UNC5A: variants seen among roughly 807,000 people sequenced by gnomAD.
UNC5A encodes the protein netrin receptor UNC5A.
UNC5A carries 20 observed loss-of-function variants against 87.4 expected under a neutral mutation model. That is an observed-to-expected ratio of 0.23 (90% CI 0.16 to 0.33). The LOEUF is 0.33. UNC5A is among the 10% of genes least tolerant of loss of function. The pLI is 1.00. For missense variants in UNC5A, 844 were observed against 1,133.4 expected (o/e 0.74, Z 3.67); for synonymous variants, 438 against 482.3 (o/e 0.91, Z 1.20).
Position 176,870,590 on chromosome 5 carries a change from GC to G in UNC5A, c.886+59del, listed in dbSNP as rs748329343. 4,180 of 1,516,666 alleles carry G rather than the reference GC, an allele frequency of 2.8e-3. 6 individuals carry two copies. Among genetic ancestry groups the G allele is most frequent in the Non-Finnish European group, 3.6e-3 (4,018 of 1,129,492 alleles). 94.0% of individuals were successfully genotyped at this position (1,516,666 alleles called of 1,614,324 possible). On this transcript the variant is annotated intron_variant, in intron 6 of 14. Transcript: ENST00000329542. ...TGTTTGCCTGGATTGGCCTTGCCCA[GC>G]CCTGGGGAGGTGGGGGCTGAGGGAG... is the stretch of plus-strand genomic sequence containing the variant.
chr5:176,834,070 G>A (rs905531578), intron 1 of UNC5A, among the ~76,000 whole-genome samples: 5 of 152,162 alleles, frequency 3.3e-5, no homozygotes, highest in South Asian at 2.1e-4. Flanking sequence ...GTGGAGTGCC[G>A]CATCTGTGCT....
At chr5:176,859,051 C>T (rs1350297884) in intron 1 of UNC5A, among the ~76,000 whole-genome samples, 1 of 152,226 alleles carries the variant, frequency 6.6e-6, no homozygotes, top group Non-Finnish European at 1.5e-5. Context: ...CGTCCAGTAG[C>T]ACCTTAATTT....
At position 176,838,941 on chromosome 5, in the gene UNC5A, A is replaced by G. The variant is rs1007486625; in HGVS notation, c.71-23683A>G. On this transcript the variant is annotated intron_variant, in intron 1 of 14. Transcript: ENST00000329542. This position sits in a 1 kb window ranked among gnomAD's most constrained non-coding sequence, Gnocchi z 4.2. ...TTCCACTCAAACCACATAGCTTACT[A>G]TGGAACAAGAGTGGATCTCCAAAGA... Among the ~76,000 whole-genome samples the G allele has an allele frequency of 1.3e-5, 2 of 152,246 alleles. No homozygotes were observed. The highest frequency in any genetic ancestry group is 3.9e-4 in the East Asian group (2 of 5,194).
At position 176,877,673 on chromosome 5, in the gene UNC5A, C is replaced by CA; in HGVS notation, c.1610dup (p.Gln538AlafsTer80). 1 of 1,608,928 alleles carries CA rather than the reference C, an allele frequency of 6.2e-7. No homozygotes were observed. Among genetic ancestry groups the CA allele is most frequent in the Non-Finnish European group, 8.5e-7 (1 of 1,177,172 alleles). On this transcript the variant is annotated frameshift_variant, in exon 10 of 15. Coordinates refer to ENST00000329542, the MANE Select transcript of UNC5A (RefSeq NM_133369.3). LOFTEE classifies it high-confidence loss of function. ...GCCCTGACAGCTGGAGCCTGCGCCT[C>CA]AAAAAGCAGTCGTGCGAGGGCAGCT...
At chr5:176,855,464 C>G (rs920737587) in intron 1 of UNC5A, among the ~76,000 whole-genome samples, 1 of 152,242 alleles carries the variant, frequency 6.6e-6, no homozygotes, top group Non-Finnish European at 1.5e-5. Context: ...GGGTCAGCCC[C>G]TGGACCACGT....
At chr5:176,842,968 C>A (rs933672561) in intron 1 of UNC5A, among the ~76,000 whole-genome samples, 1 of 151,924 alleles carries the variant, frequency 6.6e-6, no homozygotes, top group Non-Finnish European at 1.5e-5. Context: ...TTGAGACAAG[C>A]CTGGCCAACA....
At chr5:176,813,355 C>T (rs1756515740) in intron 1 of UNC5A, among the ~76,000 whole-genome samples, 3 of 152,212 alleles carry the variant, frequency 2.0e-5, no homozygotes, top group Non-Finnish European at 4.4e-5. Context: ...AACCATCTAG[C>T]CTGGCTCCTC....
intron 2 of UNC5A, 129 bp from the exon 3 acceptor site, chr5:176,868,000 AT>A (rs944577786): frequency 9.4e-5 from 67 of 715,116 alleles, no homozygotes; most frequent in African/African-American, 6.0e-4. Flanking sequence ...TAATAATAAA[AT>A]TTAAAAAAAA....
intron 1 of UNC5A, among the ~76,000 whole-genome samples, chr5:176,837,486 C>T (rs966819753): frequency 1.3e-5 from 2 of 152,130 alleles, no homozygotes; most frequent in African/African-American, 4.8e-5. Context: ...CCTTCAGGGA[C>T]CCACACCCTG....
intron 1 of UNC5A, among the ~76,000 whole-genome samples, chr5:176,831,598 C>T (rs925485502): frequency 2.6e-5 from 4 of 152,232 alleles, no homozygotes; most frequent in Non-Finnish European, 4.4e-5. Flanking sequence ...CGCCACCACT[C>T]GGCTCTGCTG....
intron 1 of UNC5A, among the ~76,000 whole-genome samples, chr5:176,836,264 GTTC>G (rs1187630366): frequency 6.6e-6 from 1 of 152,182 alleles, no homozygotes; most frequent in Non-Finnish European, 1.5e-5. Flanking sequence ...AGCCATAGAT[GTTC>G]TTCTCCCAAC....
chr5:176,852,374 G>GCA (rs150098498), intron 1 of UNC5A, among the ~76,000 whole-genome samples: 6,094 of 150,578 alleles, frequency 0.04, 383 homozygotes, highest in African/African-American at 0.14. Context: ...ACACACAGAA[G>GCA]CACACACACA....
intron 1 of UNC5A, among the ~76,000 whole-genome samples, chr5:176,822,168 A>G (rs1161040064): frequency 2.0e-5 from 3 of 152,278 alleles, no homozygotes; most frequent in African/African-American, 7.2e-5. Flanking sequence ...TGTGTGGTGC[A>G]TGCAGCCTGA....
chr5:176,831,303 C>A (rs1463947046), intron 1 of UNC5A, among the ~76,000 whole-genome samples: 1 of 152,190 alleles, frequency 6.6e-6, no homozygotes, highest in African/African-American at 2.4e-5. Flanking sequence ...GGGGCTGCAG[C>A]TGGTAACTCC....
chr5:176,826,164 G>A (rs1756847951), intron 1 of UNC5A, among the ~76,000 whole-genome samples: 1 of 152,244 alleles, frequency 6.6e-6, no homozygotes, highest in Admixed American at 6.5e-5. Flanking sequence ...CAGCAGGAGG[G>A]GCTGAGGGCA....
intron 1 of UNC5A, among the ~76,000 whole-genome samples, chr5:176,821,831 T>A (rs1756734066): frequency 6.6e-6 from 1 of 152,192 alleles, no homozygotes; most frequent in South Asian, 2.1e-4. Context: ...GCAGGACCTA[T>A]TGACTTCCCA....
intron 1 of UNC5A, among the ~76,000 whole-genome samples, chr5:176,834,701 C>CTCTCTG (rs1428448502): frequency 2.7e-5 from 4 of 148,610 alleles, no homozygotes; most frequent in African/African-American, 5.0e-5. Context: ...CTCTCTCTCT[C>CTCTCTG]TCTGTCTCTC....
chr5:176,855,107 G>A (rs1757634674), intron 1 of UNC5A, among the ~76,000 whole-genome samples: 1 of 152,236 alleles, frequency 6.6e-6, no homozygotes, highest in Non-Finnish European at 1.5e-5. Flanking sequence ...AGGTCCATGG[G>A]ACCCCAGGCC....
At chr5:176,819,998 C>T (rs996291000) in intron 1 of UNC5A, among the ~76,000 whole-genome samples, 6 of 152,260 alleles carry the variant, frequency 3.9e-5, no homozygotes, top group African/African-American at 9.6e-5. Flanking sequence ...CGCGGTGGCT[C>T]ACGCCTATAA....
Sources: allele counts gnomAD v4.1 joint callset (sites outside exome capture counted in the v4.1 genomes callset), GRCh38; gene constraint gnomAD v4.1.1; non-coding constraint Gnocchi (gnomAD v3.1); transcripts MANE v1.5; gene names NCBI Gene and HGNC (gene_info 2026-07-23, HGNC 2026-07-21).